PCDH15: variants seen among roughly 807,000 people sequenced by gnomAD.
PCDH15 encodes protocadherin-15.
In PCDH15, 129 loss-of-function variants were observed where a neutral mutation model predicts 178.5. The observed-to-expected ratio is 0.72, with a 90% CI of 0.63 to 0.84. PCDH15 has a LOEUF of 0.84. Ranked by LOEUF, PCDH15 falls within the 40% of genes least tolerant of loss-of-function variation. PCDH15 has a pLI of 0.00. For synonymous variants in PCDH15, 800 were observed against 732.0 expected, an observed-to-expected ratio of 1.09 and a Z score of -1.50; for missense variants, 2,230 against 2,099.9, an observed-to-expected ratio of 1.06 and a Z score of -1.21.
intron 2 of PCDH15, among the ~76,000 whole-genome samples, chr10:55,392,236 A>G (rs905962266): frequency 3.3e-5 from 5 of 152,216 alleles, no homozygotes; most frequent in African/African-American, 1.2e-4. Flanking sequence ...TGGCAGAAAC[A>G]TAGAGTGAGC....
chr10:55,296,674 T>C (rs1018775233), intron 1 of PCDH15, among the ~76,000 whole-genome samples: 3 of 152,154 alleles, frequency 2.0e-5, no homozygotes, highest in South Asian at 2.1e-4. Context: ...CATTAATACA[T>C]TGATTTGCAG....
chr10:55,493,624 A>G (rs919220958), intron 2 of PCDH15, among the ~76,000 whole-genome samples: 2 of 151,908 alleles, frequency 1.3e-5, no homozygotes, highest in African/African-American at 4.8e-5. Context: ...AAAGTGCTGA[A>G]AAAAGAAATA....
intron 2 of PCDH15, among the ~76,000 whole-genome samples, chr10:55,543,260 G>GTA (rs1457283090): frequency 9.3e-5 from 14 of 150,178 alleles, no homozygotes; most frequent in Non-Finnish European, 1.5e-5. Context: ...TATATAATAT[G>GTA]TATATATATG....
intron 2 of PCDH15, among the ~76,000 whole-genome samples, chr10:55,023,369 G>C (rs11004681): frequency 0.57 from 86,600 of 151,946 alleles, 25,003 homozygotes; most frequent in East Asian, 0.75. Context: ...AATCCCAATG[G>C]CAATTTAGAA....
intron 2 of PCDH15, among the ~76,000 whole-genome samples, chr10:54,982,902 G>A (rs77567331): frequency 0.049 from 7,415 of 152,004 alleles, 239 homozygotes; most frequent in East Asian, 0.1. Flanking sequence ...CAAAACCCCT[G>A]GAGCTAGATT....
intron 18 of PCDH15, among the ~76,000 whole-genome samples, chr10:54,053,531 G>A (rs1400687883): frequency 6.6e-6 from 1 of 151,976 alleles, no homozygotes; most frequent in Non-Finnish European, 1.5e-5. Context: ...AAACACCGAG[G>A]GTATAGGAAA....
chr10:54,774,561 G>A (rs1015422907), intron 1 of PCDH15, among the ~76,000 whole-genome samples: 2 of 152,050 alleles, frequency 1.3e-5, no homozygotes, highest in African/African-American at 2.4e-5. Context: ...AAACACAGGC[G>A]TATTGTTATA....
chr10:53,889,393 A>G (rs1341986567), intron 26 of PCDH15, among the ~76,000 whole-genome samples: 1 of 152,130 alleles, frequency 6.6e-6, no homozygotes, highest in Non-Finnish European at 1.5e-5. Flanking sequence ...CCAGAGAAAA[A>G]TGTTAGAAAG....
At chr10:54,726,937 T>C (rs1440084922) in intron 1 of PCDH15, among the ~76,000 whole-genome samples, 1 of 151,424 alleles carries the variant, frequency 6.6e-6, no homozygotes, top group East Asian at 1.9e-4. Flanking sequence ...GAAATTAATT[T>C]GCATCTCTGA....
At chr10:55,265,901 C>T (rs1592034225) in intron 1 of PCDH15, among the ~76,000 whole-genome samples, 2 of 152,072 alleles carry the variant, frequency 1.3e-5, no homozygotes, top group Non-Finnish European at 2.9e-5. Flanking sequence ...GTGGCCACTT[C>T]AGTTTTGTAC....
intron 3 of PCDH15, among the ~76,000 whole-genome samples, chr10:54,882,440 A>G (rs1278424273): frequency 1.3e-5 from 2 of 151,942 alleles, no homozygotes; most frequent in East Asian, 1.9e-4. Flanking sequence ...GGATTTTGAA[A>G]ACTCCTTATT....
intron 2 of PCDH15, among the ~76,000 whole-genome samples, chr10:54,628,438 G>C (rs1024026495): frequency 6.6e-6 from 1 of 152,034 alleles, no homozygotes; most frequent in Non-Finnish European, 1.5e-5. Flanking sequence ...CAGAAACCCT[G>C]TTTACCACAA....
chr10:54,343,906 A>G (rs1942753268), intron 6 of PCDH15, among the ~76,000 whole-genome samples: 1 of 152,170 alleles, frequency 6.6e-6, no homozygotes, highest in South Asian at 2.1e-4. Context: ...TATATTAAAT[A>G]AAATAGTTAT....
intron 1 of PCDH15, among the ~76,000 whole-genome samples, chr10:54,723,072 G>A (rs995683098): frequency 6.6e-6 from 1 of 151,518 alleles, no homozygotes; most frequent in Non-Finnish European, 1.5e-5. Flanking sequence ...AAGCAAAATA[G>A]ATCCCAAATA....
intron 1 of PCDH15, among the ~76,000 whole-genome samples, chr10:54,706,438 G>A (rs2095365443): frequency 6.6e-6 from 1 of 152,068 alleles, no homozygotes; most frequent in Admixed American, 6.6e-5. Context: ...TTGAAAACTT[G>A]AAGAAATATG....
intron 2 of PCDH15, among the ~76,000 whole-genome samples, chr10:55,625,475 T>G (rs1837507563): frequency 6.6e-6 from 1 of 152,182 alleles, no homozygotes; most frequent in South Asian, 2.1e-4. Flanking sequence ...TCACCCATCC[T>G]GTTAGATATG....
intron 1 of PCDH15, among the ~76,000 whole-genome samples, chr10:54,753,136 C>T (rs1946569646): frequency 6.6e-6 from 1 of 152,094 alleles, no homozygotes; most frequent in African/African-American, 2.4e-5. Flanking sequence ...TATAAAGATA[C>T]ATCTAGCACC....
chr10:55,026,028 A>G (rs1466128467), intron 2 of PCDH15, among the ~76,000 whole-genome samples: 3 of 152,056 alleles, frequency 2.0e-5, no homozygotes, highest in East Asian at 1.9e-4. Flanking sequence ...TTGACAAAAA[A>G]TATTAAAAGT....
At position 54,941,245 on chromosome 10, in the gene PCDH15, T is replaced by G. The variant is rs2092490073; in HGVS notation, c.-79-43745A>C. Among the ~76,000 whole-genome samples the G allele has an allele frequency of 2.6e-5, 4 of 152,194 alleles. 1 individual carries two copies. The Middle Eastern group carries it at 0.01, about 388-fold the overall frequency. ...AAACTACTTCACCTCCATAGTCAAT[T>G]TAACTCCAGTGAGATACAGAAACAT... On this transcript the variant is annotated intron_variant, in intron 2 of 5. Coordinates refer to the PCDH15 transcript ENST00000458638.
Sources: allele counts gnomAD v4.1 joint callset (sites outside exome capture counted in the v4.1 genomes callset), GRCh38; gene constraint gnomAD v4.1.1; transcripts MANE v1.5; gene names NCBI Gene and HGNC (gene_info 2026-07-23, HGNC 2026-07-21).